ACBD3: variants seen among roughly 807,000 people sequenced by gnomAD.
The protein encoded by ACBD3 is acyl-CoA binding domain containing 3, also known as Golgi resident protein GCP60.
Under a neutral mutation model 66.9 loss-of-function variants are expected in ACBD3, and 30 were observed. That is an observed-to-expected ratio of 0.45 (90% CI 0.34 to 0.61). The LOEUF (loss-of-function observed/expected upper bound fraction) is 0.61. ACBD3 is among the 20% of genes least tolerant of loss of function. The pLI, the probability that ACBD3 is intolerant of heterozygous loss-of-function variation, is 0.02. For synonymous variants in ACBD3, 278 were observed against 259.8 expected, an observed-to-expected ratio of 1.07 and a Z score of -0.68; for missense variants, 544 against 664.5, an observed-to-expected ratio of 0.82 and a Z score of 1.99.
At chr1:226,151,776 G>A (rs1333684237) in intron 7 of ACBD3, among the ~76,000 whole-genome samples, 1 of 152,188 alleles carries the variant, frequency 6.6e-6, no homozygotes, top group African/African-American at 2.4e-5. Context: ...GGGAGGCCGA[G>A]GCGGGTGGAT....
At chr1:226,168,900 C>T (rs1659927956) in intron 1 of ACBD3, among the ~76,000 whole-genome samples, 1 of 152,166 alleles carries the variant, frequency 6.6e-6, no homozygotes, top group Non-Finnish European at 1.5e-5. Flanking sequence ...GCTCTGTTGC[C>T]CAGGCTGGAG....
chr1:226,147,312 C>T (rs1289244179), intron 7 of ACBD3, among the ~76,000 whole-genome samples: 1 of 152,186 alleles, frequency 6.6e-6, no homozygotes, highest in African/African-American at 2.4e-5. Context: ...ATTCAAATAC[C>T]TAAGTATGTG....
chr1:226,167,684 G>A (rs1336496667), intron 1 of ACBD3, among the ~76,000 whole-genome samples: 1 of 152,162 alleles, frequency 6.6e-6, no homozygotes, highest in Admixed American at 6.6e-5. Context: ...GCACTTGAAA[G>A]TAGCATATGC....
Position 226,186,719 on chromosome 1 carries a change from G to T in ACBD3, c.-44C>A, listed in dbSNP as rs1434972590. 1 of 1,436,378 alleles carries T rather than the reference G, an allele frequency of 7.0e-7. No individual in the cohort carries two copies. The highest frequency in any genetic ancestry group is 9.1e-7 in the Non-Finnish European group (1 of 1,098,078). 89.0% of individuals were successfully genotyped at this position (1,436,378 alleles called of 1,614,324 possible). On this transcript the variant is annotated 5_prime_UTR_variant, in exon 1 of 8. Transcript: ENST00000366812. ...CTCAGCGGGGACAGACGGCAGCCAC[G>T]TATCGACTTCCTGCTGACCTCTGAC... is the stretch of plus-strand genomic sequence containing the variant.
At chr1:226,183,663 G>A (rs1456978022) in intron 1 of ACBD3, among the ~76,000 whole-genome samples, 1 of 152,080 alleles carries the variant, frequency 6.6e-6, no homozygotes, top group Non-Finnish European at 1.5e-5. Context: ...GGAGGCCAAG[G>A]TGGGCAGATC....
chr1:226,146,918 G>GCAAGAC, intron 7 of ACBD3, 97 bp from the exon 8 acceptor site: 4 of 1,187,414 alleles, frequency 3.4e-6, no homozygotes, highest in Non-Finnish European at 4.9e-6. Context: ...TGGAGACAGA[G>GCAAGAC]TCTTGCTCTG....
At chr1:226,185,442 G>C (rs1370951886) in intron 1 of ACBD3, among the ~76,000 whole-genome samples, 2 of 152,186 alleles carry the variant, frequency 1.3e-5, no homozygotes, top group East Asian at 3.8e-4. Flanking sequence ...GCTCTGGAAT[G>C]TACGTGGAAC....
chr1:226,175,907 A>C (rs895854756), intron 1 of ACBD3, among the ~76,000 whole-genome samples: 2 of 152,240 alleles, frequency 1.3e-5, no homozygotes, highest in Non-Finnish European at 2.9e-5. Flanking sequence ...CTACTATGAC[A>C]CAAGTGGTGG....
At chr1:226,168,711 C>T (rs1659919624) in intron 1 of ACBD3, among the ~76,000 whole-genome samples, 1 of 152,124 alleles carries the variant, frequency 6.6e-6, no homozygotes, top group Non-Finnish European at 1.5e-5. Context: ...TACTGTGCTG[C>T]CAGCTGTATA....
intron 3 of ACBD3, among the ~76,000 whole-genome samples, chr1:226,162,552 A>G (rs994595155): frequency 1.3e-5 from 2 of 152,176 alleles, no homozygotes; most frequent in Non-Finnish European, 2.9e-5. Flanking sequence ...AGACCCTTCC[A>G]AAAAGAACAG....
chr1:226,150,656 C>A (rs1028090584), intron 7 of ACBD3, among the ~76,000 whole-genome samples: 1 of 152,204 alleles, frequency 6.6e-6, no homozygotes, highest in Non-Finnish European at 1.5e-5. Flanking sequence ...GGATTACAGG[C>A]GTGAGCCACC....
chr1:226,169,367 C>G (rs1263164241), intron 1 of ACBD3, among the ~76,000 whole-genome samples: 1 of 152,014 alleles, frequency 6.6e-6, no homozygotes, highest in Non-Finnish European at 1.5e-5. Context: ...CCTGCCTCAG[C>G]CTCCCGAGTA....
At chr1:226,165,243 T>G (rs369730612) in intron 2 of ACBD3, among the ~76,000 whole-genome samples, 2 of 152,186 alleles carry the variant, frequency 1.3e-5, no homozygotes, top group South Asian at 2.1e-4. Context: ...CGATCTTGGC[T>G]CAGCAGAACC....
rs765160885 is a variant in ACBD3, at chr1:226,164,775, C to A, written c.569+14G>T. ...CTGCGCAGCAATAAAGTATTCCATGCCCTCAAACTTCACCTTTTTTTTTCT... is the reference window on the plus strand; with the variant it reads ...CTGCGCAGCAATAAAGTATTCCATGACCTCAAACTTCACCTTTTTTTTTCT... On this transcript the variant is annotated intron_variant, in intron 3 of 7. Transcript: ENST00000366812. 1.2e-6 allele frequency: 2 copies of A among 1,605,472 alleles called. No individual in the cohort carries two copies. Among genetic ancestry groups the A allele is most frequent in the Middle Eastern group, 1.7e-4 (1 of 6,044 alleles).
chr1:226,168,541 T>A (rs1484528575), intron 1 of ACBD3, among the ~76,000 whole-genome samples: 1 of 152,228 alleles, frequency 6.6e-6, no homozygotes, highest in East Asian at 1.9e-4. Flanking sequence ...CTCTGCATAA[T>A]GGCATTTCAG....
intron 4 of ACBD3, among the ~76,000 whole-genome samples, chr1:226,160,714 G>T (rs1208785773): frequency 6.6e-6 from 1 of 152,170 alleles, no homozygotes; most frequent in Non-Finnish European, 1.5e-5. Flanking sequence ...TTACTTCCCA[G>T]TGTTTTATGG....
chr1:226,160,323 CAAT>C, intron 4 of ACBD3, among the ~76,000 whole-genome samples: 1 of 98 alleles, frequency 0.01, no homozygotes, highest in African/African-American at 0.071. Flanking sequence ...CCCCTGACCT[CAAT>C]CAAGTGATCC....
At chr1:226,183,482 G>A (rs904457418) in intron 1 of ACBD3, among the ~76,000 whole-genome samples, 2 of 150,766 alleles carry the variant, frequency 1.3e-5, no homozygotes, top group South Asian at 2.2e-4. Flanking sequence ...ACACCCGGCC[G>A]AAAATGTAAT....
intron 1 of ACBD3, among the ~76,000 whole-genome samples, chr1:226,175,921 GAAT>G (rs1227603537): frequency 1.3e-5 from 2 of 152,204 alleles, no homozygotes; most frequent in Admixed American, 6.5e-5. Flanking sequence ...GTGGTGGGCA[GAAT>G]AATGGCTCCT....
Sources: gnomAD v4.1 joint callset for allele counts (sites outside exome capture counted in the v4.1 genomes callset) on GRCh38, gnomAD v4.1.1 for gene constraint, MANE v1.5 for transcripts, NCBI Gene and HGNC (gene_info 2026-07-23, HGNC 2026-07-21) for gene names.